RBFOX1: variants seen among roughly 807,000 people sequenced by gnomAD.
The protein encoded by RBFOX1 is RNA binding protein fox-1 homolog 1.
A neutral mutation model predicts 57.7 loss-of-function variants in RBFOX1; 8 were observed. The ratio of observed to expected loss-of-function variants is 0.14; its 90% CI spans 0.08 to 0.25. The LOEUF is 0.25. RBFOX1 is among the 10% of genes least tolerant of loss of function. RBFOX1 has a pLI of 1.00. For synonymous variants in RBFOX1, 326 were observed against 222.4 expected (o/e 1.47, Z -4.15); for missense variants, 611 against 548.5 (o/e 1.11, Z -1.14).
At chr16:5,675,847 A>T (rs2050152340) in intron 3 of RBFOX1, among the ~76,000 whole-genome samples, 1 of 152,146 alleles carries the variant, frequency 6.6e-6, no homozygotes, top group Admixed American at 6.5e-5. Flanking sequence ...TGAAATAAAG[A>T]TGAGGGGCAC....
chr16:5,461,349 C>A (rs1233310560), intron 1 of RBFOX1, among the ~76,000 whole-genome samples: 1 of 152,170 alleles, frequency 6.6e-6, no homozygotes, highest in African/African-American at 2.4e-5. Context: ...GTTTCCCACG[C>A]CTCCTTTCCC....
At chr16:6,295,834 T>C (rs570184054) in intron 1 of RBFOX1, among the ~76,000 whole-genome samples, 1 of 152,326 alleles carries the variant, frequency 6.6e-6, no homozygotes, top group South Asian at 2.1e-4. Flanking sequence ...GAGCGATTTG[T>C]CAGCTTTGTT....
chr16:5,896,222 G>A (rs1465316642), intron 4 of RBFOX1, among the ~76,000 whole-genome samples: 4 of 152,150 alleles, frequency 2.6e-5, no homozygotes, highest in African/African-American at 7.2e-5. Flanking sequence ...CAAGCTGCTT[G>A]TATCTTGCTA....
chr16:7,515,247 T>C (rs1343343202), intron 4 of RBFOX1, among the ~76,000 whole-genome samples: 2 of 122,416 alleles, frequency 1.6e-5, no homozygotes, highest in African/African-American at 3.0e-5. Flanking sequence ...AGTTTAGTTA[T>C]AAAACAGCAG....
At chr16:5,328,253 T>C (rs1317133453) in intron 1 of RBFOX1, among the ~76,000 whole-genome samples, 1 of 152,146 alleles carries the variant, frequency 6.6e-6, no homozygotes, top group East Asian at 1.9e-4. Context: ...AAGGGGCCCC[T>C]AATCCAATCT....
intron 2 of RBFOX1, among the ~76,000 whole-genome samples, chr16:6,623,009 C>G (rs1234997481): frequency 6.6e-6 from 1 of 152,176 alleles, no homozygotes; most frequent in Admixed American, 6.5e-5. Flanking sequence ...AATGAACACA[C>G]CACATCTTTT....
chr16:5,896,649 C>G (rs770793441), intron 4 of RBFOX1, among the ~76,000 whole-genome samples: 1 of 152,118 alleles, frequency 6.6e-6, no homozygotes, highest in South Asian at 2.1e-4. Context: ...GTTATATCAA[C>G]ATAGAATGGA....
At chr16:6,146,382 G>T (rs2096758341) in intron 1 of RBFOX1, among the ~76,000 whole-genome samples, 1 of 152,202 alleles carries the variant, frequency 6.6e-6, no homozygotes. Context: ...TTGTAGATCA[G>T]CTGTTTTCAA....
chr16:5,603,969 T>C (rs2047464839), downstream of RBFOX1, among the ~76,000 whole-genome samples: 1 of 147,908 alleles, frequency 6.8e-6, no homozygotes, highest in Non-Finnish European at 1.5e-5. Flanking sequence ...TAAGCAATGG[T>C]GTCATTCTCC....
intron 3 of RBFOX1, among the ~76,000 whole-genome samples, chr16:6,783,035 G>A: frequency 6.6e-6 from 1 of 151,742 alleles, no homozygotes; most frequent in East Asian, 1.9e-4. Context: ...TATTTTATCT[G>A]GTATAAGTAC....
intron 3 of RBFOX1, among the ~76,000 whole-genome samples, chr16:5,803,922 G>A (rs2055144329): frequency 6.6e-6 from 1 of 152,070 alleles, no homozygotes; most frequent in Non-Finnish European, 1.5e-5. Flanking sequence ...CTCTCTGCCT[G>A]GAATTGTCTT....
chr16:6,790,359 A>G (rs1042137681), intron 3 of RBFOX1, among the ~76,000 whole-genome samples: 8 of 151,620 alleles, frequency 5.3e-5, no homozygotes, highest in South Asian at 2.1e-4. Flanking sequence ...TAATTTTTGT[A>G]TTTTTAGTAG....
intron 1 of RBFOX1, among the ~76,000 whole-genome samples, chr16:6,116,035 G>C (rs1011951974): frequency 6.6e-6 from 1 of 152,120 alleles, no homozygotes; most frequent in African/African-American, 2.4e-5. Flanking sequence ...GCCCATCAGT[G>C]ATAGACTTGA....
At chr16:7,427,349 T>C (rs1461307465) in intron 4 of RBFOX1, among the ~76,000 whole-genome samples, 1 of 152,172 alleles carries the variant, frequency 6.6e-6, no homozygotes, top group Non-Finnish European at 1.5e-5. Context: ...TTCTAACAAA[T>C]TTCCAAGAGA....
Position 7,263,637 on chromosome 16 carries a change from C to G in RBFOX1, c.27+211539C>G, listed in dbSNP as rs530739636. ...AAGAGGCTGGGAACGGTGGCTCACA[C>G]CTGTAATCCCAGCACAGAGAGGCCG... On this transcript the variant is annotated intron_variant, in intron 4 of 15. Coordinates refer to ENST00000550418, the MANE Select transcript of RBFOX1 (RefSeq NM_018723.4). 4.6e-5 allele frequency among the ~76,000 whole-genome samples: 7 copies of G among 152,176 alleles called. No individual in the cohort carries two copies. The South Asian group carries it at 1.0e-3, about 23-fold the overall frequency.
intron 7 of RBFOX1, among the ~76,000 whole-genome samples, chr16:7,594,699 A>C (rs2094602062): frequency 6.6e-6 from 1 of 152,236 alleles, no homozygotes; most frequent in South Asian, 2.1e-4. Flanking sequence ...TTCTATTAAC[A>C]AAGTTTCTTT....
intron 3 of RBFOX1, among the ~76,000 whole-genome samples, chr16:5,725,611 C>T (rs909044430): frequency 6.6e-6 from 1 of 151,340 alleles, no homozygotes; most frequent in African/African-American, 2.4e-5. Flanking sequence ...TGTAGCCCTT[C>T]TGCTTGAGTC....
intron 1 of RBFOX1, among the ~76,000 whole-genome samples, chr16:6,055,795 C>G (rs2095607808): frequency 6.6e-6 from 1 of 152,012 alleles, no homozygotes; most frequent in East Asian, 1.9e-4. Context: ...TAAAATAAAT[C>G]TAATTTTAGT....
At chr16:6,953,365 A>G (rs1315708888) in intron 3 of RBFOX1, among the ~76,000 whole-genome samples, 4 of 117,174 alleles carry the variant, frequency 3.4e-5, no homozygotes, top group African/African-American at 8.7e-5. Flanking sequence ...AATGTTTCCC[A>G]TATACATGAT....
Sources: allele counts gnomAD v4.1 joint callset (sites outside exome capture counted in the v4.1 genomes callset), GRCh38; gene constraint gnomAD v4.1.1; transcripts MANE v1.5; gene names NCBI Gene and HGNC (gene_info 2026-07-23, HGNC 2026-07-21).